Variants in NUBPL observed in about 807,000 individuals in gnomAD.
The protein encoded by NUBPL is iron-sulfur cluster transfer protein NUBPL.
In NUBPL, 31 loss-of-function variants were observed where a neutral mutation model predicts 45.7. The observed-to-expected ratio is 0.68, with a 90% confidence interval of 0.51 to 0.92. The LOEUF is 0.92. NUBPL is among the 40% of genes least tolerant of loss of function. The probability of loss-of-function intolerance (pLI) is 0.00; values close to 1 mark genes in which losing one functional copy is unlikely to be tolerated. For missense variants in NUBPL, 401 were observed against 398.7 expected (o/e 1.01, Z -0.05); for synonymous variants, 144 against 140.9 (o/e 1.02, Z -0.15).
chr14:31,576,868 G>A (rs1386021349), intron 3 of NUBPL, among the ~76,000 whole-genome samples: 2 of 152,204 alleles, frequency 1.3e-5, no homozygotes, highest in East Asian at 3.8e-4. Context: ...CTTAGTTCAG[G>A]TAGGATTGTT....
At chr14:31,832,100 CAT>C (rs2040202742) in intron 8 of NUBPL, among the ~76,000 whole-genome samples, 1 of 152,134 alleles carries the variant, frequency 6.6e-6, no homozygotes, top group South Asian at 2.1e-4. Context: ...TATAAATACA[CAT>C]ATGTGTGTAT....
chr14:31,825,850 T>G (rs368935805), intron 7 of NUBPL, among the ~76,000 whole-genome samples: 54 of 151,888 alleles, frequency 3.6e-4, no homozygotes, highest in African/African-American at 1.2e-3. Context: ...TCTTTCTTCT[T>G]TTTTCTTCCA....
At chr14:31,652,003 A>G (rs1008839772) in intron 4 of NUBPL, among the ~76,000 whole-genome samples, 4 of 152,324 alleles carry the variant, frequency 2.6e-5, no homozygotes, top group African/African-American at 9.6e-5. Context: ...AAAATGCTCA[A>G]CATCACTAAG....
At chr14:31,639,870 C>T (rs1229477741) in intron 4 of NUBPL, among the ~76,000 whole-genome samples, 1 of 152,126 alleles carries the variant, frequency 6.6e-6, no homozygotes, top group Non-Finnish European at 1.5e-5. Context: ...ACTCCGTGGA[C>T]ATAGGATGGG....
intron 6 of NUBPL, among the ~76,000 whole-genome samples, chr14:31,757,910 A>G (rs1330230489): frequency 1.3e-5 from 2 of 151,734 alleles, no homozygotes; most frequent in African/African-American, 2.4e-5. Context: ...TTTTTTTCAG[A>G]TATACCAATT....
chr14:31,826,501 T>C, intron 7 of NUBPL, 128 bp from the exon 8 acceptor site: 1 of 810,944 alleles, frequency 1.2e-6, no homozygotes, highest in Admixed American at 2.0e-5. Context: ...TTCATGTGTG[T>C]AAAATGTATA....
chr14:31,689,310 C>A (rs1003753461), intron 6 of NUBPL, among the ~76,000 whole-genome samples: 1 of 141,294 alleles, frequency 7.1e-6, no homozygotes, highest in Non-Finnish European at 1.5e-5. Context: ...GTTCCCTTTT[C>A]CCCCCACCCT....
intron 6 of NUBPL, among the ~76,000 whole-genome samples, chr14:31,680,113 A>G (rs563727437): frequency 5.9e-5 from 9 of 152,276 alleles, no homozygotes; most frequent in Non-Finnish European, 1.3e-4. Flanking sequence ...GCTAAATTTT[A>G]ATAATCTAGT....
chr14:31,593,123 A>T (rs2034186844), intron 3 of NUBPL, among the ~76,000 whole-genome samples: 2 of 152,362 alleles, frequency 1.3e-5, no homozygotes, highest in South Asian at 4.1e-4. Flanking sequence ...CATAAAATTT[A>T]TATTATATTT....
intron 7 of NUBPL, among the ~76,000 whole-genome samples, chr14:31,791,437 T>C (rs962342582): frequency 6.6e-6 from 1 of 151,732 alleles, no homozygotes; most frequent in Non-Finnish European, 1.5e-5. Context: ...TAGACAAGAG[T>C]TCCTTACCTT....
At chr14:31,807,268 T>A (rs1279950615) in intron 7 of NUBPL, among the ~76,000 whole-genome samples, 1 of 151,728 alleles carries the variant, frequency 6.6e-6, no homozygotes, top group Non-Finnish European at 1.5e-5. Flanking sequence ...TTTCTCTACA[T>A]ACTCCCCAGC....
chr14:31,605,981 T>C (rs2034584958), intron 4 of NUBPL, among the ~76,000 whole-genome samples: 1 of 148,746 alleles, frequency 6.7e-6, no homozygotes, highest in African/African-American at 2.5e-5. Context: ...CTCTCCCTCC[T>C]CCTCTCGTCC....
chr14:31,788,318 C>G (rs2039321118), intron 7 of NUBPL, among the ~76,000 whole-genome samples: 1 of 152,096 alleles, frequency 6.6e-6, no homozygotes, highest in African/African-American at 2.4e-5. Context: ...GAGCCAGCAG[C>G]CCTGAGAGTT....
chr14:31,819,804 A>G (rs919605688), intron 7 of NUBPL, among the ~76,000 whole-genome samples: 2 of 152,184 alleles, frequency 1.3e-5, no homozygotes, highest in African/African-American at 4.8e-5. Context: ...TTTAAACAAT[A>G]TTTTTAATCG....
chr14:31,790,262 A>G (rs2039355458), intron 7 of NUBPL, among the ~76,000 whole-genome samples: 1 of 152,184 alleles, frequency 6.6e-6, no homozygotes, highest in East Asian at 1.9e-4. Flanking sequence ...TTGTATTTAT[A>G]CTCTAACACC....
rs570158849 is a variant in NUBPL at position 31,782,206 on chromosome 14, G to A, written c.514-5574G>A. ...GGTTAGGAGTTCAAGAGCAACCTGA[G>A]CAAGATGGTGAATCCCCATCTCTAC... On this transcript the variant is annotated intron_variant, in intron 6 of 10. Coordinates refer to ENST00000281081, the MANE Select transcript of NUBPL (RefSeq NM_025152.3). Among the ~76,000 whole-genome samples the A allele has an allele frequency of 1.8e-4, 28 of 152,204 alleles. No homozygotes were observed. The East Asian group carries it at 5.4e-3, about 29-fold the overall frequency.
intron 8 of NUBPL, among the ~76,000 whole-genome samples, chr14:31,828,099 G>A (rs1401317949): frequency 6.6e-6 from 1 of 152,154 alleles, no homozygotes; most frequent in Non-Finnish European, 1.5e-5. Context: ...GTTTATAATT[G>A]TAATCAGCAA....
intron 6 of NUBPL, among the ~76,000 whole-genome samples, chr14:31,737,969 TTTTCACTTAAGAAATAAAA>T (rs2038199642): frequency 6.6e-6 from 1 of 152,220 alleles, no homozygotes; most frequent in African/African-American, 2.4e-5. Flanking sequence ...GTAAGCACAC[TTTTCACTTAAGAAATAAAA>T]GTAATGGTTC....
chr14:31,630,770 A>T (rs180992086), intron 4 of NUBPL, among the ~76,000 whole-genome samples: 2 of 152,204 alleles, frequency 1.3e-5, no homozygotes, highest in African/African-American at 4.8e-5. Context: ...TGCTCCATGT[A>T]TTGTGAGATC....
Sources: allele counts gnomAD v4.1 joint callset (sites outside exome capture counted in the v4.1 genomes callset), GRCh38; gene constraint gnomAD v4.1.1; transcripts MANE v1.5; gene names NCBI Gene and HGNC (gene_info 2026-07-23, HGNC 2026-07-21).